The following ZNF561 variants were observed in gnomAD, a reference collection of about 807,000 sequenced individuals.
ZNF561 encodes the protein zinc finger protein 561.
ZNF561 carries 16 observed loss-of-function variants against 16.7 expected under a neutral mutation model. That is an observed-to-expected ratio of 0.96 (90% confidence interval 0.65 to 1.45). The LOEUF (loss-of-function observed/expected upper bound fraction) is 1.45. Ranked by LOEUF, ZNF561 falls within the 40% of genes most tolerant of loss-of-function variation. The pLI, the probability that ZNF561 is intolerant of heterozygous loss-of-function variation, is 0.00. For missense variants in ZNF561, 580 were observed against 578.0 expected, an observed-to-expected ratio of 1.00 and a Z score of -0.04; for synonymous variants, 190 against 192.1, an observed-to-expected ratio of 0.99 and a Z score of 0.09.
rs758987078 is a variant in ZNF561, at chr19:9,610,834, T to C, written c.827A>G (p.Lys276Arg). Residue 276 changes from lysine (K) to arginine (R), a missense_variant, in exon 6 of 6, where the codon AAA (lysine) becomes AGA (arginine). Transcript: ENST00000302851. Reference protein sequence around the residue: ...SQLYAPVKTHKGEKSFECKEC... With the variant: ...SQLYAPVKTHRGEKSFECKEC... Reference sequence around the variant, plus strand: ...TTTACATTCAAAGGACTTCTCTCCTTTATGAGTTTTCACAGGTGCATAAAG... The same window carrying C: ...TTTACATTCAAAGGACTTCTCTCCTCTATGAGTTTTCACAGGTGCATAAAG... 4 of 1,614,148 alleles carry C rather than the reference T, an allele frequency of 2.5e-6. No homozygotes were observed. The Admixed American group carries it at 5.0e-5, about 20-fold the overall frequency.
chr19:9,612,155 T>C (rs1432210734), intron 5 of ZNF561, among the ~76,000 whole-genome samples: 1 of 152,140 alleles, frequency 6.6e-6, no homozygotes, highest in Non-Finnish European at 1.5e-5. Context: ...TTTGAACCCC[T>C]GACCTCAGAT....
At chr19:9,616,728 A>G (rs1010901715) in intron 4 of ZNF561, among the ~76,000 whole-genome samples, 4 of 151,884 alleles carry the variant, frequency 2.6e-5, no homozygotes, top group Non-Finnish European at 5.9e-5. Context: ...AATAGCTGGG[A>G]CTACAGGTAC....
Position 9,619,553 on chromosome 19 carries a change from A to C in ZNF561, c.-97T>G. On this transcript the variant is annotated 5_prime_UTR_variant, in exon 2 of 6. An upstream start codon of the reference 5' UTR is lost. Coordinates refer to ENST00000302851, the MANE Select transcript of ZNF561 (RefSeq NM_152289.3). Reference sequence around the variant, plus strand: ...ATCTAGGTGGATAGAGGCAATCTCCATTCCTCTTTGTACAGGGTTATTTGC... The same window carrying C: ...ATCTAGGTGGATAGAGGCAATCTCCCTTCCTCTTTGTACAGGGTTATTTGC... 3 of 1,297,278 alleles carry C rather than the reference A, an allele frequency of 2.3e-6. No individual in the cohort carries two copies. The highest frequency in any genetic ancestry group is 3.3e-6 in the Non-Finnish European group (3 of 903,842). The allele number at this position is 1,297,278 out of a possible 1,614,324, so 80.4% of individuals were successfully genotyped here.
Position 9,609,998 on chromosome 19 carries a change from C to T in ZNF561, c.*202G>A. 3 of 526,348 alleles carry T rather than the reference C, an allele frequency of 5.7e-6. No homozygotes were observed. Among genetic ancestry groups the T allele is most frequent in the South Asian group, 3.2e-5 (1 of 31,398 alleles). The allele number at this position is 526,348 out of a possible 1,614,324, so 32.6% of individuals were successfully genotyped here. On this transcript the variant is annotated 3_prime_UTR_variant, in exon 6 of 6. Coordinates refer to ENST00000302851, the MANE Select transcript of ZNF561 (RefSeq NM_152289.3). ...AGGTGAGGCAGCCTGCAGTACTGACCTCACCATCCATGACCCTTCTTCACA... is the reference window on the plus strand; with the variant it reads ...AGGTGAGGCAGCCTGCAGTACTGACTTCACCATCCATGACCCTTCTTCACA...
At chr19:9,619,863 T>TATCTA (rs1216984980) in intron 1 of ZNF561, among the ~76,000 whole-genome samples, 5,905 of 23,458 alleles carry the variant, frequency 0.25, 386 homozygotes, top group African/African-American at 0.41. Flanking sequence ...CTATCTATAT[T>TATCTA]TATCTATCTA....
intron 3 of ZNF561, chr19:9,617,561 C>T (rs2074578532): frequency 2.5e-6 from 1 of 398,494 alleles, no homozygotes; most frequent in South Asian, 1.8e-5. Flanking sequence ...AACTGTGTCA[C>T]CCAGGCACAA....
Position 9,610,798 on chromosome 19 carries a change from C to A in ZNF561, c.863G>T (p.Arg288Ile). The change falls in exon 6 of 6, where the codon AGA becomes ATA. Residue 288 changes from arginine to isoleucine, a missense_variant. Coordinates refer to ENST00000302851, the MANE Select transcript of ZNF561 (RefSeq NM_152289.3). ...EKSFECKECG[R>I]SFRNSSCLND... ...AAGGCATGAGGAATTTCTAAAGGAT[C>A]TTCCACATTCTTTACATTCAAAGGA... 6.2e-7 allele frequency: 1 copy of A among 1,613,996 alleles called. No individual in the cohort carries two copies. Among genetic ancestry groups the A allele is most frequent in the Non-Finnish European group, 8.5e-7 (1 of 1,179,940 alleles).
intron 4 of ZNF561, chr19:9,614,324 A>C (rs1355236735): frequency 1.8e-5 from 9 of 492,120 alleles, no homozygotes; most frequent in African/African-American, 1.8e-4. Context: ...TAAAAATTAA[A>C]AATGCCGGGA....
rs1335450394 is a variant in ZNF561 at position 9,618,045 on chromosome 19, T to C, written c.114+46A>G. The C allele has an allele frequency of 7.3e-6, 11 of 1,503,144 alleles. No individual in the cohort carries two copies. In the East Asian group the frequency reaches 2.5e-4, roughly 34 times the overall value. The allele number at this position is 1,503,144 out of a possible 1,614,324, so 93.1% of individuals were successfully genotyped here. A position where few individuals can be genotyped will look rare whatever the true frequency, so the allele number is the denominator to read the frequency against. On this transcript the variant is annotated intron_variant, in intron 3 of 5. Coordinates refer to ENST00000302851, the MANE Select transcript of ZNF561 (RefSeq NM_152289.3). ...TCTAGAAAGAAATCTGTCTACCTATTGGATGAAAGCATATCATTTTTAACA... is the reference window on the plus strand; with the variant it reads ...TCTAGAAAGAAATCTGTCTACCTATCGGATGAAAGCATATCATTTTTAACA...
In ZNF561 at chr19:9,610,782, G is replaced by C. The variant is rs1344347088; in HGVS notation, c.879C>G (p.Ser293=). 1 of 1,614,058 alleles carries C rather than the reference G, an allele frequency of 6.2e-7. No homozygotes were observed. Among genetic ancestry groups the C allele is most frequent in the South Asian group, 1.1e-5 (1 of 91,076 alleles). The change falls in exon 6 of 6, where the codon TCC becomes TCG. Residue 293 remains serine (S), a synonymous_variant. Transcript: ENST00000302851. The stretch of plus-strand genomic sequence containing the variant: ...TTTGAATGTGATCATTAAGGCATGA[G>C]GAATTTCTAAAGGATCTTCCACATT... ...CKECGRSFRN[S]SCLNDHIQIH...
intron 3 of ZNF561, 81 bp from the exon 4 acceptor site, chr19:9,617,252 A>C: frequency 6.6e-7 from 1 of 1,515,406 alleles, no homozygotes; most frequent in Middle Eastern, 1.7e-4. Flanking sequence ...GGGGAACCTT[A>C]TACTCACTTA....
chr19:9,613,483 C>T (rs1264752423), intron 5 of ZNF561, among the ~76,000 whole-genome samples: 3 of 151,920 alleles, frequency 2.0e-5, no homozygotes, highest in African/African-American at 7.3e-5. Context: ...GATCCACGTG[C>T]CTAGGCCTCC....
At chr19:9,615,469 T>C (rs1036578834) in intron 4 of ZNF561, among the ~76,000 whole-genome samples, 1 of 151,566 alleles carries the variant, frequency 6.6e-6, no homozygotes, top group Non-Finnish European at 1.5e-5. Flanking sequence ...CAGTGACACT[T>C]GGCTGTAATC....
chr19:9,618,782 T>C (rs2074605576), intron 2 of ZNF561, among the ~76,000 whole-genome samples: 1 of 151,356 alleles, frequency 6.6e-6, no homozygotes, highest in Non-Finnish European at 1.5e-5. Context: ...ATGAAGCTTA[T>C]GTAGCATTTC....
Position 9,610,179 on chromosome 19 carries a change from T to C in ZNF561, c.*21A>G, listed in dbSNP as rs1259249187. 1 of 1,539,666 alleles carries C rather than the reference T, an allele frequency of 6.5e-7. No homozygotes were observed. The highest frequency in any genetic ancestry group is 1.4e-5 in the African/African-American group (1 of 72,524). On this transcript the variant is annotated 3_prime_UTR_variant, in exon 6 of 6. Transcript: ENST00000302851. ...TAATCTTTGGTGTCATTGCCAATAATTAAAGATGGCAACCGATGGGCTAAA... is the reference window on the plus strand; with the variant it reads ...TAATCTTTGGTGTCATTGCCAATAACTAAAGATGGCAACCGATGGGCTAAA...
In ZNF561 at chr19:9,614,006, C is replaced by A. The variant is rs763346221; in HGVS notation, c.324+15G>T. On this transcript the variant is annotated intron_variant, in intron 5 of 5. Transcript: ENST00000302851. Reference sequence around the variant, plus strand: ...CTAAGAGAGGAAATTAAGAAATATCCCTCATGAATCTTACCATTTGTATCC... The same window carrying A: ...CTAAGAGAGGAAATTAAGAAATATCACTCATGAATCTTACCATTTGTATCC... 6.2e-7 allele frequency: 1 copy of A among 1,610,752 alleles called. No homozygotes were observed. Among genetic ancestry groups the A allele is most frequent in the South Asian group, 1.1e-5 (1 of 90,780 alleles).
Position 9,611,271 on chromosome 19 carries a change from C to T in ZNF561, c.390G>A (p.Gln130=). The T allele has an allele frequency of 2.5e-6, 4 of 1,613,988 alleles. No homozygotes were observed. The highest frequency in any genetic ancestry group is 3.4e-6 in the Non-Finnish European group (4 of 1,179,920). ...CKNCGEVFRE[Q]FCLKTHMRVQ... ...CTCTCATGTGTGTCTTAAGGCAAAA[C>T]TGTTCCCTGAAGACCTCTCCACAAT... Residue 130 remains glutamine (Q), a synonymous_variant, in exon 6 of 6, where the codon CAG becomes CAA. Coordinates refer to ENST00000302851, the MANE Select transcript of ZNF561 (RefSeq NM_152289.3).
chr19:9,616,644 T>A (rs909512079), intron 4 of ZNF561, among the ~76,000 whole-genome samples: 3 of 151,156 alleles, frequency 2.0e-5, no homozygotes, highest in Non-Finnish European at 2.9e-5. Context: ...CAGGCTGGAG[T>A]GCAGTGGTGT....
intron 1 of ZNF561, chr19:9,620,846 C>CTT (rs2074660369): frequency 6.6e-6 from 1 of 152,304 alleles, no homozygotes; most frequent in Admixed American, 6.5e-5. Flanking sequence ...AGTTCAAGAC[C>CTT]AGCCTGGCCA....
Sources: gnomAD v4.1 joint callset for allele counts (sites outside exome capture counted in the v4.1 genomes callset) on GRCh38, gnomAD v4.1.1 for gene constraint, MANE v1.5 for transcripts, NCBI Gene and HGNC (gene_info 2026-07-23, HGNC 2026-07-21) for gene names.